UST: variants seen among roughly 807,000 people sequenced by gnomAD.
UST encodes the protein uronyl 2-sulfotransferase, also known as chondroitin sulfate 2-O-sulfotransferase.
UST carries 21 observed loss-of-function variants against 45.6 expected under a neutral mutation model. The ratio of observed to expected loss-of-function variants is 0.46; its 90% CI spans 0.33 to 0.66. The LOEUF (loss-of-function observed/expected upper bound fraction) is 0.66, where lower values mean the gene tolerates loss of function less well. UST is among the 30% of genes least tolerant of loss of function. UST has a pLI of 0.02. For missense variants in UST, 463 were observed against 512.4 expected (o/e 0.90, Z 0.93); for synonymous variants, 215 against 200.6 (o/e 1.07, Z -0.61).
intron 7 of UST, among the ~76,000 whole-genome samples, chr6:149,054,949 A>G (rs184504585): frequency 1.3e-5 from 2 of 152,312 alleles, no homozygotes; most frequent in Admixed American, 1.3e-4. Flanking sequence ...ACATTTCAAA[A>G]TTGAACCTAA....
chr6:149,030,552 G>A (rs866489441), intron 7 of UST, among the ~76,000 whole-genome samples: 1 of 152,120 alleles, frequency 6.6e-6, no homozygotes, highest in Middle Eastern at 3.4e-3. Flanking sequence ...AGAAACATGA[G>A]TTTAGGAATC....
intron 2 of UST, among the ~76,000 whole-genome samples, chr6:148,912,984 G>A (rs1779505850): frequency 6.6e-6 from 1 of 152,098 alleles, no homozygotes; most frequent in African/African-American, 2.4e-5. Context: ...CCAAGATTTG[G>A]CATTTCTGAC....
chr6:148,810,172 A>G (rs1777228019), intron 1 of UST, among the ~76,000 whole-genome samples: 2 of 152,226 alleles, frequency 1.3e-5, no homozygotes, highest in Non-Finnish European at 2.9e-5. Context: ...AGTATTGAAC[A>G]TTATGGCTGA....
chr6:148,827,838 C>A (rs1345003371), intron 1 of UST, among the ~76,000 whole-genome samples: 1 of 151,502 alleles, frequency 6.6e-6, no homozygotes, highest in Non-Finnish European at 1.5e-5. Context: ...ATGCGGTTTA[C>A]TAAAACAGAT....
intron 2 of UST, among the ~76,000 whole-genome samples, chr6:148,935,748 A>G (rs1780012722): frequency 6.6e-6 from 1 of 152,198 alleles, no homozygotes; most frequent in Admixed American, 6.5e-5. Flanking sequence ...TATCAGGGGA[A>G]GGAGGGAAGG....
At chr6:148,888,825 A>G (rs1038404626) in intron 2 of UST, among the ~76,000 whole-genome samples, 2 of 152,198 alleles carry the variant, frequency 1.3e-5, no homozygotes, top group African/African-American at 4.8e-5. Flanking sequence ...AAGAACAACA[A>G]CAACAAAAAT....
chr6:148,976,639 A>T (rs2449389), intron 5 of UST, among the ~76,000 whole-genome samples: 58,267 of 152,030 alleles, frequency 0.38, 11,182 homozygotes, highest in Admixed American at 0.45. Flanking sequence ...TTCTCTCGTT[A>T]TGAGTGAAGT....
intron 2 of UST, among the ~76,000 whole-genome samples, chr6:148,935,797 T>C (rs1165840336): frequency 2.0e-5 from 3 of 152,146 alleles, no homozygotes; most frequent in Non-Finnish European, 4.4e-5. Context: ...TCCAATTAGC[T>C]GCGTTGACAC....
intron 1 of UST, among the ~76,000 whole-genome samples, chr6:148,871,117 C>CTTTCTCTCT (rs1778543531): frequency 1.0e-5 from 1 of 97,586 alleles, no homozygotes; most frequent in African/African-American, 4.6e-5. Context: ...GCATTCTCTC[C>CTTTCTCTCT]CTCTCTCTCT....
At chr6:148,948,479 A>G (rs1378893002) in intron 3 of UST, among the ~76,000 whole-genome samples, 1 of 152,200 alleles carries the variant, frequency 6.6e-6, no homozygotes, top group Non-Finnish European at 1.5e-5. Context: ...GTTGAAAGCA[A>G]AAGATTAGGA....
chr6:148,928,562 G>GA lies in UST; in HGVS notation c.292-12712dup, dbSNP rs531171798. ...CCCATCCATCCTGGTGGAGATTTCT[G>GA]AAAAATCTGTTTACCCAGGACCAGG... On this transcript the variant is annotated intron_variant, in intron 2 of 7. Coordinates refer to ENST00000367463, the MANE Select transcript of UST (RefSeq NM_005715.3). Among the ~76,000 whole-genome samples, 90 of 152,304 alleles carry GA rather than the reference G, an allele frequency of 5.9e-4. No homozygotes were observed. The East Asian group carries it at 0.014, about 24-fold the overall frequency.
intron 5 of UST, among the ~76,000 whole-genome samples, chr6:148,992,517 C>T (rs1781375112): frequency 1.3e-5 from 2 of 152,284 alleles, no homozygotes; most frequent in South Asian, 4.1e-4. Flanking sequence ...TGCCGGGGGT[C>T]TGTGGACCTC....
chr6:148,858,353 A>G (rs1778243965), intron 1 of UST, among the ~76,000 whole-genome samples: 1 of 152,210 alleles, frequency 6.6e-6, no homozygotes, highest in Non-Finnish European at 1.5e-5. Flanking sequence ...GTTCGAGGGC[A>G]GGAAGTATTC....
chr6:148,885,075 G>A (rs1778888822), intron 1 of UST, among the ~76,000 whole-genome samples: 1 of 152,214 alleles, frequency 6.6e-6, no homozygotes, highest in Admixed American at 6.5e-5. Flanking sequence ...AGGTGCCAAG[G>A]AGTTAGTAGG....
At chr6:148,885,464 G>A (rs1207828674) in intron 1 of UST, among the ~76,000 whole-genome samples, 1 of 152,152 alleles carries the variant, frequency 6.6e-6, no homozygotes, top group Non-Finnish European at 1.5e-5. Flanking sequence ...TCTCAGTGGA[G>A]TTCAGAAGTA....
At chr6:148,911,906 A>T (rs1779481850) in intron 2 of UST, among the ~76,000 whole-genome samples, 1 of 152,204 alleles carries the variant, frequency 6.6e-6, no homozygotes. Flanking sequence ...ATCATTTAAA[A>T]TAGATTCAGG....
intron 7 of UST, among the ~76,000 whole-genome samples, chr6:149,034,323 C>T (rs1415151786): frequency 2.6e-5 from 4 of 152,178 alleles, no homozygotes; most frequent in African/African-American, 4.8e-5. Flanking sequence ...CTGCCGCATT[C>T]AGTATTACTT....
chr6:148,784,232 A>G (rs891510736), intron 1 of UST, among the ~76,000 whole-genome samples: 2 of 152,228 alleles, frequency 1.3e-5, no homozygotes, highest in Admixed American at 1.3e-4. Context: ...ATTAAATTTT[A>G]ACTAAAGTTC....
At chr6:148,781,395 ACT>A (rs1265863262) in intron 1 of UST, among the ~76,000 whole-genome samples, 2 of 152,134 alleles carry the variant, frequency 1.3e-5, no homozygotes, top group Non-Finnish European at 2.9e-5. Context: ...CAAGGTCCTA[ACT>A]CTCTTCAGTT....
Sources: gnomAD v4.1 joint callset for allele counts (sites outside exome capture counted in the v4.1 genomes callset) on GRCh38, gnomAD v4.1.1 for gene constraint, MANE v1.5 for transcripts, NCBI Gene and HGNC (gene_info 2026-07-23, HGNC 2026-07-21) for gene names.